Variants in ANKS1B observed in about 807,000 individuals in gnomAD.
ANKS1B encodes the protein ankyrin repeat and sterile alpha motif domain-containing protein 1B.
A neutral mutation model predicts 148.3 loss-of-function variants in ANKS1B; 36 were observed. The ratio of observed to expected loss-of-function variants is 0.24; its 90% CI spans 0.19 to 0.32. The LOEUF (loss-of-function observed/expected upper bound fraction) is 0.32, where lower values mean the gene tolerates loss of function less well. Among genes scored for constraint, ANKS1B ranks in the 10% least tolerant of loss-of-function variants. ANKS1B has a pLI of 1.00. For synonymous variants in ANKS1B, 542 were observed against 560.8 expected, an observed-to-expected ratio of 0.97 and a Z score of 0.47; for missense variants, 1,157 against 1,542.6, an observed-to-expected ratio of 0.75 and a Z score of 4.19.
At chr12:98,976,227 G>C (rs55958542) in intron 17 of ANKS1B, among the ~76,000 whole-genome samples, 23,652 of 152,134 alleles carry the variant, frequency 0.16, 2,091 homozygotes, top group South Asian at 0.3. Flanking sequence ...GCAGCCTGGG[G>C]GATGGGGAGA....
intron 24 of ANKS1B, among the ~76,000 whole-genome samples, chr12:98,774,307 C>T (rs990009574): frequency 3.9e-5 from 6 of 152,200 alleles, no homozygotes; most frequent in Admixed American, 2.6e-4. Context: ...AAATGCATTG[C>T]AATGCCCTTC....
chr12:99,855,477 C>A (rs1430174651), intron 1 of ANKS1B, among the ~76,000 whole-genome samples: 1 of 152,132 alleles, frequency 6.6e-6, no homozygotes, highest in African/African-American at 2.4e-5. Flanking sequence ...AACTTCAACA[C>A]TCCACTGACA....
chr12:99,257,599 T>C (rs2075417768), intron 12 of ANKS1B, among the ~76,000 whole-genome samples: 1 of 152,186 alleles, frequency 6.6e-6, no homozygotes, highest in South Asian at 2.1e-4. Flanking sequence ...ATATAGTGGT[T>C]CTATTTCTTG....
At chr12:99,124,921 T>A (rs1016907510) in intron 15 of ANKS1B, among the ~76,000 whole-genome samples, 22 of 152,178 alleles carry the variant, frequency 1.4e-4, no homozygotes, top group Admixed American at 2.6e-4. Context: ...CACTGATGAC[T>A]GTAGTTAGAT....
At chr12:98,794,392 CAAAAAAAAAAAAA>C (rs571692746) in intron 22 of ANKS1B, 51 of 84,162 alleles carry the variant, frequency 6.1e-4, no homozygotes, top group South Asian at 1.8e-3. Context: ...AACTCTGTCT[CAAAAAAAAAAAAA>C]AAAAAAAAAA....
intron 10 of ANKS1B, 60 bp downstream of exon 10, chr12:99,504,416 C>T (rs951689664): frequency 6.6e-7 from 1 of 1,516,776 alleles, no homozygotes; most frequent in Non-Finnish European, 9.0e-7. Flanking sequence ...GTTAATGATG[C>T]ATCTTCATAT....
chr12:99,607,575 C>G (rs1178898995), intron 9 of ANKS1B, among the ~76,000 whole-genome samples: 1 of 152,056 alleles, frequency 6.6e-6, no homozygotes, highest in Non-Finnish European at 1.5e-5. Flanking sequence ...GATCCTACAG[C>G]TTTAACTTTA....
chr12:99,426,946 C>T (rs2095266243), intron 11 of ANKS1B, among the ~76,000 whole-genome samples: 1 of 152,148 alleles, frequency 6.6e-6, no homozygotes, highest in Non-Finnish European at 1.5e-5. Context: ...TGACTCAAGC[C>T]ATAAATCTGG....
In ANKS1B at chr12:99,449,002, C is replaced by A. The variant is rs144641575; in HGVS notation, c.1439-5193G>T. On this transcript the variant is annotated intron_variant, in intron 10 of 26. Transcript: ENST00000683438. The stretch of plus-strand genomic sequence containing the variant: ...TCTGTTGCATTTTTAATAGTTTCTT[C>A]TATTTATTTTCTAGTTTATTGGTTC... 3.6e-3 allele frequency among the ~76,000 whole-genome samples: 541 copies of A among 152,034 alleles called. 6 individuals carry two copies. Among genetic ancestry groups the A allele is most frequent in the African/African-American group, 0.011 (452 of 41,506 alleles).
intron 11 of ANKS1B, among the ~76,000 whole-genome samples, chr12:99,426,706 A>T (rs1203184388): frequency 6.6e-6 from 1 of 152,218 alleles, no homozygotes; most frequent in Non-Finnish European, 1.5e-5. Flanking sequence ...ATACACATAT[A>T]AAATTATGTG....
At position 99,893,469 on chromosome 12, in the gene ANKS1B, G is replaced by A. The variant is rs368053173; in HGVS notation, c.135-68080C>T. On this transcript the variant is annotated intron_variant, in intron 1 of 26. Coordinates refer to ENST00000683438, the MANE Select transcript of ANKS1B (RefSeq NM_001352186.2). ...AAAAGTTACAGATTTATGACTATAT[G>A]AGGAAGTAATGAAAAGCCATTTCAT... Among the ~76,000 whole-genome samples the A allele has an allele frequency of 5.3e-5, 8 of 151,556 alleles. 1 individual carries two copies. The East Asian group carries it at 9.7e-4, about 18-fold the overall frequency.
At chr12:99,361,508 G>C (rs2152430822) in intron 12 of ANKS1B, among the ~76,000 whole-genome samples, 1 of 152,134 alleles carries the variant, frequency 6.6e-6, no homozygotes, top group African/African-American at 2.4e-5. Flanking sequence ...AAAGTATGTT[G>C]AATGGGAAGT....
chr12:98,835,972 C>G (rs1047243775), intron 17 of ANKS1B, among the ~76,000 whole-genome samples: 5 of 152,184 alleles, frequency 3.3e-5, no homozygotes, highest in Admixed American at 3.3e-4. Flanking sequence ...GTAATCCTTA[C>G]AATAGCATAC....
chr12:99,865,573 C>CAT (rs2153722814), intron 1 of ANKS1B, among the ~76,000 whole-genome samples: 1 of 152,204 alleles, frequency 6.6e-6, no homozygotes, highest in Non-Finnish European at 1.5e-5. Context: ...AGCTGCAAGT[C>CAT]ATAATTGCTG....
intron 14 of ANKS1B, among the ~76,000 whole-genome samples, chr12:99,201,868 T>A (rs1487852638): frequency 6.6e-6 from 1 of 152,218 alleles, no homozygotes; most frequent in Non-Finnish European, 1.5e-5. Context: ...AAGCAGTTAC[T>A]TTTTAAGAGC....
At chr12:99,761,660 C>T (rs773592068) in intron 8 of ANKS1B, among the ~76,000 whole-genome samples, 5 of 152,004 alleles carry the variant, frequency 3.3e-5, no homozygotes, top group Non-Finnish European at 7.4e-5. Flanking sequence ...GCTACTCTCA[C>T]CACTCATATA....
chr12:99,902,665 T>A (rs887132274), intron 1 of ANKS1B, among the ~76,000 whole-genome samples: 1 of 152,070 alleles, frequency 6.6e-6, no homozygotes, highest in African/African-American at 2.4e-5. Context: ...ATCTATTGAT[T>A]GAGACTACAA....
At chr12:99,158,220 T>C (rs1344081012) in intron 14 of ANKS1B, among the ~76,000 whole-genome samples, 1 of 152,178 alleles carries the variant, frequency 6.6e-6, no homozygotes, top group Non-Finnish European at 1.5e-5. Flanking sequence ...TTACTCTCTT[T>C]ACCTAAAATA....
At chr12:98,743,000 T>G (rs1474846539), downstream of ANKS1B, among the ~76,000 whole-genome samples, 1 of 152,234 alleles carries the variant, frequency 6.6e-6, no homozygotes, top group African/African-American at 2.4e-5. Context: ...CTTAGAAAGT[T>G]ATTTTTTTTA....
Sources: allele counts gnomAD v4.1 joint callset (sites outside exome capture counted in the v4.1 genomes callset), GRCh38; gene constraint gnomAD v4.1.1; transcripts MANE v1.5; gene names NCBI Gene and HGNC (gene_info 2026-07-23, HGNC 2026-07-21).